Variants in MDGA1 observed in about 807,000 individuals in gnomAD.
MDGA1 encodes the protein MAM domain containing glycosylphosphatidylinositol anchor 1, also known as MAM domain-containing glycosylphosphatidylinositol anchor protein 1.
MDGA1 carries 54 observed loss-of-function variants against 101.5 expected under a neutral mutation model. That is an observed-to-expected ratio of 0.53 (90% CI 0.43 to 0.67). The LOEUF (loss-of-function observed/expected upper bound fraction) is 0.67, where lower values mean the gene tolerates loss of function less well. MDGA1 is among the 30% of genes least tolerant of loss of function. MDGA1 has a pLI of 0.00. For missense variants in MDGA1, 1,083 were observed against 1,323.8 expected (o/e 0.82, Z 2.82); for synonymous variants, 533 against 558.3 (o/e 0.95, Z 0.64).
Position 37,674,825 on chromosome 6 carries a change from G to A in MDGA1, c.68-10719C>T, listed in dbSNP as rs1761943932. 2.0e-5 allele frequency among the ~76,000 whole-genome samples: 3 copies of A among 152,170 alleles called. 1 individual carries two copies. The highest frequency in any genetic ancestry group is 6.3e-3 in the Middle Eastern group (2 of 316). On this transcript the variant is annotated intron_variant, in intron 1 of 16. Transcript: ENST00000434837. ...AATCCTAGCACTTTGGGAGGCTGAG[G>A]CAGGCGGATCATTAGAGATCAGGAG... is the stretch of plus-strand genomic sequence containing the variant.
intron 14 of MDGA1, among the ~76,000 whole-genome samples, chr6:37,642,225 C>T (rs1764104512): frequency 7.5e-6 from 1 of 133,784 alleles, no homozygotes; most frequent in African/African-American, 2.8e-5. Flanking sequence ...GTCACTCAGG[C>T]TGGGAGTGCA....
chr6:37,649,371 G>C, intron 8 of MDGA1, 105 bp from the exon 9 acceptor site: 1 of 1,386,608 alleles, frequency 7.2e-7, no homozygotes, highest in Non-Finnish European at 9.3e-7. Context: ...GTGAGCCCCC[G>C]CCAGGAAAAA....
In MDGA1 at chr6:37,697,094, C is replaced by A. The variant is rs573412971; in HGVS notation, c.-283G>T. On this transcript the variant is annotated 5_prime_UTR_variant, in exon 1 of 17. Transcript: ENST00000434837. ...AGCCAGCGCCCCGACCCGAGGAGCC[C>A]GGCCGCCGAGCCGCCCCGGGTACCC... 1 of 313,080 alleles carries A rather than the reference C, an allele frequency of 3.2e-6. No individual in the cohort carries two copies. The highest frequency in any genetic ancestry group is 1.6e-4 in the South Asian group (1 of 6,372). 19.4% of individuals were successfully genotyped at this position (313,080 alleles called of 1,614,324 possible). A position where few individuals can be genotyped will look rare whatever the true frequency, so the allele number is the denominator to read the frequency against.
chr6:37,655,686 C>G lies in MDGA1; in HGVS notation c.579+14G>C. 1 of 1,591,120 alleles carries G rather than the reference C, an allele frequency of 6.3e-7. No homozygotes were observed. Among genetic ancestry groups the G allele is most frequent in the Non-Finnish European group, 8.6e-7 (1 of 1,167,410 alleles). On this transcript the variant is annotated intron_variant, in intron 4 of 16. Coordinates refer to ENST00000434837, the MANE Select transcript of MDGA1 (RefSeq NM_153487.4). This position sits in a 1 kb window ranked among gnomAD's most constrained non-coding sequence, Gnocchi z 5.1. ...GGAGAAGTGGTATGGGGCGAGCCAG[C>G]TGCCCATCCTGACCTGAGTGTAGAG... is the stretch of plus-strand genomic sequence containing the variant.
At chr6:37,656,377 C>CT (rs11396920) in intron 3 of MDGA1, among the ~76,000 whole-genome samples, 22,685 of 142,666 alleles carry the variant, frequency 0.16, 1,938 homozygotes, top group Admixed American at 0.22. Context: ...CGCCCGGACT[C>CT]TTTTTTTTTT....
At chr6:37,644,850 C>T (rs804857) in intron 12 of MDGA1, among the ~76,000 whole-genome samples, 16,305 of 152,256 alleles carry the variant, frequency 0.11, 1,835 homozygotes, top group African/African-American at 0.29. Context: ...GTGCCCTAGG[C>T]CCTTCTGGCA....
intron 13 of MDGA1, 85 bp from the exon 14 acceptor site, chr6:37,644,028 C>T (rs983324787): frequency 7.2e-5 from 109 of 1,523,060 alleles, no homozygotes; most frequent in Non-Finnish European, 6.7e-5. Context: ...TAGGCCTCTG[C>T]GGGCTGAATC....
chr6:37,650,288 C>T lies in MDGA1; in HGVS notation c.1430G>A (p.Arg477His). The T allele has an allele frequency of 1.2e-6, 2 of 1,604,900 alleles. No individual in the cohort carries two copies. The highest frequency in any genetic ancestry group is 1.7e-6 in the Non-Finnish European group (2 of 1,177,480). The change falls in exon 8 of 17, where the codon CGC (arginine) becomes CAC (histidine). Residue 477 changes from arginine to histidine, a missense_variant. This residue lies in a region of MDGA1 where 657 missense variants were observed against 771.4 expected (regional missense o/e 0.85). Coordinates refer to ENST00000434837, the MANE Select transcript of MDGA1 (RefSeq NM_153487.4). ...CAGCAGTGCAGCCTCCTTGTCCACG[C>T]GGGACCAGAGCACTGGCGGCCGCGG... The part of the protein sequence containing the change: ...GKPRPPVLWS[R>H]VDKEAALLPS...
At chr6:37,651,074 G>C (rs937206430) in intron 7 of MDGA1, among the ~76,000 whole-genome samples, 2 of 152,258 alleles carry the variant, frequency 1.3e-5, no homozygotes, top group Non-Finnish European at 2.9e-5. Context: ...TAAGGATGAT[G>C]GAAGAGCAAG....
intron 1 of MDGA1, among the ~76,000 whole-genome samples, chr6:37,670,819 T>G (rs193286766): frequency 0.014 from 2,074 of 152,238 alleles, 48 homozygotes; most frequent in African/African-American, 0.046. Context: ...TTTAGCTCCA[T>G]TGGCAGAGAA....
rs759456864 is a variant in MDGA1, at chr6:37,686,615, C to T, written c.67+10130G>A. Among the ~76,000 whole-genome samples, 4 of 151,940 alleles carry T rather than the reference C, an allele frequency of 2.6e-5. No individual in the cohort carries two copies. In the East Asian group the frequency reaches 7.7e-4, roughly 29 times the overall value. On this transcript the variant is annotated intron_variant, in intron 1 of 16. Transcript: ENST00000434837. ...CTAATTTTTTTATTTTTAGTAGAGA[C>T]GGGGTTTCACCATGTTGCCCAGGCT...
rs867418582 is a variant in MDGA1, at chr6:37,696,880, G to A, written c.-69C>T. On this transcript the variant is annotated 5_prime_UTR_variant, in exon 1 of 17. Coordinates refer to ENST00000434837, the MANE Select transcript of MDGA1 (RefSeq NM_153487.4). The surrounding 1 kb of genome is among the most constrained non-coding windows in gnomAD (Gnocchi z 5.6). ...GAGGCGGCGGGGGGCGCATTCGCCGGGGCCCCGCGACGCCCCTATGTCCCC... is the reference window on the plus strand; with the variant it reads ...GAGGCGGCGGGGGGCGCATTCGCCGAGGCCCCGCGACGCCCCTATGTCCCC... The A allele has an allele frequency of 1.6e-5, 23 of 1,394,388 alleles. 1 individual carries two copies. In the South Asian group the frequency reaches 1.9e-4, roughly 11 times the overall value. The allele number at this position is 1,394,388 out of a possible 1,614,324, so 86.4% of individuals were successfully genotyped here.
rs770900873 is a variant in MDGA1 at position 37,648,992 on chromosome 6, G to A, written c.1884C>T (p.Phe628=). 2.6e-6 allele frequency: 4 copies of A among 1,553,070 alleles called. No homozygotes were observed. In the African/African-American group the frequency reaches 4.2e-5, roughly 16 times the overall value. Residue 628 remains phenylalanine, a synonymous_variant, in exon 9 of 17, where the codon TTC becomes TTT. Coordinates refer to ENST00000434837, the MANE Select transcript of MDGA1 (RefSeq NM_153487.4). ...CCACTGGACGCTCACCGGAGACCTG[G>A]AAGAGGCAGGCAGCCGAGCCCACAT... The part of the protein sequence containing the change: ...SNDVGSAACL[F]QVSAKAYSPE...
chr6:37,655,415 A>C lies in MDGA1; in HGVS notation c.579+285T>G, dbSNP rs549881156. ...GGTTCCCAATACTCTGCCACCCAGCAGCAGACTGGGATGACCTGTCTGCCC... is the reference window on the plus strand; with the variant it reads ...GGTTCCCAATACTCTGCCACCCAGCCGCAGACTGGGATGACCTGTCTGCCC... On this transcript the variant is annotated intron_variant, in intron 4 of 16. Coordinates refer to ENST00000434837, the MANE Select transcript of MDGA1 (RefSeq NM_153487.4). The surrounding 1 kb of genome is among the most constrained non-coding windows in gnomAD (Gnocchi z 5.1). 1.6e-4 allele frequency: 60 copies of C among 375,244 alleles called. No individual in the cohort carries two copies. The highest frequency in any genetic ancestry group is 1.2e-3 in the African/African-American group (59 of 49,608). 23.2% of individuals were successfully genotyped at this position (375,244 alleles called of 1,614,324 possible).
In MDGA1 at chr6:37,654,805, G is replaced by A. The variant is rs1173798874; in HGVS notation, c.707C>T (p.Thr236Ile). The A allele has an allele frequency of 1.2e-6, 2 of 1,613,702 alleles. No individual in the cohort carries two copies. Among genetic ancestry groups the A allele is most frequent in the East Asian group, 2.2e-5 (1 of 44,888 alleles). Residue 236 changes from threonine (T) to isoleucine (I), a missense_variant, in exon 5 of 17, where the codon ACC becomes ATC. Thr to Ile is a moderately conservative substitution (Grantham distance 89). Around this residue, in one of 3 missense-constraint regions of MDGA1, gnomAD observed 310 missense variants for 355.9 expected, o/e 0.87. Coordinates refer to ENST00000434837, the MANE Select transcript of MDGA1 (RefSeq NM_153487.4). Reference sequence around the variant, plus strand: ...GGGGAGGAAAATGCCTGTACCCGTGGTGTTGGTGAGCCGGAAGGTGATGGC... The same window carrying A: ...GGGGAGGAAAATGCCTGTACCCGTGATGTTGGTGAGCCGGAAGGTGATGGC... ...DKAITFRLTN[T>I]TAPPALKLSV... is the part of the protein sequence containing the mutation.
chr6:37,659,471 T>C (rs928134489), intron 2 of MDGA1, among the ~76,000 whole-genome samples: 14 of 152,200 alleles, frequency 9.2e-5, no homozygotes, highest in African/African-American at 2.9e-4. Context: ...AAGGATTGCA[T>C]GAGAAACCTA....
At chr6:37,659,297 A>T (rs1443998200) in intron 2 of MDGA1, among the ~76,000 whole-genome samples, 2 of 152,222 alleles carry the variant, frequency 1.3e-5, no homozygotes, top group Non-Finnish European at 1.5e-5. Context: ...AGTATTTGTT[A>T]TGCAGTAATA....
In MDGA1 at chr6:37,675,677, C is replaced by T. The variant is rs576729979; in HGVS notation, c.68-11571G>A. ...CACCCATCAGGGCAGAGAATGACTC[C>T]TAGGATCCCAAGGTCTGAGCCTTCC... On this transcript the variant is annotated intron_variant, in intron 1 of 16. Transcript: ENST00000434837. 8.1e-4 allele frequency among the ~76,000 whole-genome samples: 123 copies of T among 152,160 alleles called. 1 individual carries two copies. The highest frequency in any genetic ancestry group is 2.8e-3 in the African/African-American group (117 of 41,522).
chr6:37,638,221 C>T lies in MDGA1; in HGVS notation c.2760G>A (p.Gln920=), dbSNP rs780711872. Residue 920 remains glutamine (Q), a synonymous_variant, in exon 16 of 17, where the codon CAG becomes CAA. Coordinates refer to ENST00000434837, the MANE Select transcript of MDGA1 (RefSeq NM_153487.4). The surrounding 1 kb of genome is among the most constrained non-coding windows in gnomAD (Gnocchi z 4.8). ...TLKKGECPRK[Q]TDPNKVVVMP... is the part of the protein sequence containing the mutation. Reference sequence around the variant, plus strand: ...GTCTTGCACCTTTATTGGGATCCGTCTGCTTCCGGGGACACTCCCCCTTCT... The same window carrying T: ...GTCTTGCACCTTTATTGGGATCCGTTTGCTTCCGGGGACACTCCCCCTTCT... 2 of 1,613,650 alleles carry T rather than the reference C, an allele frequency of 1.2e-6. No homozygotes were observed. Among genetic ancestry groups the T allele is most frequent in the South Asian group, 2.2e-5 (2 of 91,048 alleles).
Sources: allele counts gnomAD v4.1 joint callset (sites outside exome capture counted in the v4.1 genomes callset), GRCh38; gene constraint gnomAD v4.1.1; regional missense constraint gnomAD v4.1.1; non-coding constraint Gnocchi (gnomAD v3.1); transcripts MANE v1.5; gene names NCBI Gene and HGNC (gene_info 2026-07-23, HGNC 2026-07-21).